The following CDH13 variants were observed in gnomAD, a reference collection of about 807,000 sequenced individuals.
The protein encoded by CDH13 is cadherin-13.
In CDH13, 24 loss-of-function variants were observed where a neutral mutation model predicts 63.8. The ratio of observed to expected loss-of-function variants is 0.38; its 90% confidence interval spans 0.27 to 0.53. CDH13 has a LOEUF of 0.53. Ranked by LOEUF, CDH13 falls within the 20% of genes least tolerant of loss-of-function variation. The pLI, the probability that CDH13 is intolerant of heterozygous loss-of-function variation, is 0.85. For synonymous variants in CDH13, 503 were observed against 355.3 expected, an observed-to-expected ratio of 1.42 and a Z score of -4.67; for missense variants, 1,049 against 903.1, an observed-to-expected ratio of 1.16 and a Z score of -2.07.
chr16:83,047,137 A>G lies in CDH13; in HGVS notation c.366+14919A>G, dbSNP rs1293674638. Among the ~76,000 whole-genome samples, 2 of 152,236 alleles carry G rather than the reference A, an allele frequency of 1.3e-5. No individual in the cohort carries two copies. Among genetic ancestry groups the G allele is most frequent in the African/African-American group, 2.4e-5 (1 of 41,462 alleles). On this transcript the variant is annotated intron_variant, in intron 3 of 13. Coordinates refer to ENST00000567109, the MANE Select transcript of CDH13 (RefSeq NM_001257.5). This position sits in a 1 kb window ranked among gnomAD's most constrained non-coding sequence, Gnocchi z 4.9. ...TTGAAGATATAAAGCTTTAAACAGT[A>G]GTAGTTCTCCGTGAGACCCAAGGAA...
chr16:83,761,649 C>T (rs978740265), intron 11 of CDH13, among the ~76,000 whole-genome samples: 2 of 152,186 alleles, frequency 1.3e-5, no homozygotes, highest in Non-Finnish European at 2.9e-5. Context: ...GAGTAGGTGA[C>T]AGTCTGTTTA....
At chr16:83,669,537 A>G (rs997915979) in intron 8 of CDH13, among the ~76,000 whole-genome samples, 1 of 151,984 alleles carries the variant, frequency 6.6e-6, no homozygotes, top group Admixed American at 6.6e-5. Context: ...CATTCCCACT[A>G]TTTTCTAGCC....
At chr16:83,267,200 G>A (rs1167461356) in intron 5 of CDH13, among the ~76,000 whole-genome samples, 2 of 152,128 alleles carry the variant, frequency 1.3e-5, no homozygotes, top group Non-Finnish European at 2.9e-5. Context: ...TAAACAAAGA[G>A]GAAAATTTAT....
At position 83,005,402 on chromosome 16, in the gene CDH13, C is replaced by G. The variant is rs1913382932; in HGVS notation, c.158-26608C>G. 2.0e-5 allele frequency among the ~76,000 whole-genome samples: 3 copies of G among 152,290 alleles called. No homozygotes were observed. In the East Asian group the frequency reaches 5.8e-4, roughly 29 times the overall value. ...TTACCTCCTGTAACCTGTGGGCATACTAAAGTACCAAGGTAGGCTTAGCTG... is the reference window on the plus strand; with the variant it reads ...TTACCTCCTGTAACCTGTGGGCATAGTAAAGTACCAAGGTAGGCTTAGCTG... On this transcript the variant is annotated intron_variant, in intron 2 of 13. Transcript: ENST00000567109.
chr16:83,223,075 A>C (rs150746527), intron 5 of CDH13, among the ~76,000 whole-genome samples: 1 of 61,876 alleles, frequency 1.6e-5, no homozygotes, highest in African/African-American at 4.4e-5. Context: ...GGCAAAATTG[A>C]GAACCACTGT....
At chr16:83,587,407 C>T (rs1393730883) in intron 7 of CDH13, among the ~76,000 whole-genome samples, 3 of 152,132 alleles carry the variant, frequency 2.0e-5, no homozygotes, top group Non-Finnish European at 2.9e-5. Flanking sequence ...AAACATCCAC[C>T]GACCCCTCGG....
chr16:82,964,068 A>G (rs1907451630), intron 2 of CDH13, among the ~76,000 whole-genome samples: 1 of 152,094 alleles, frequency 6.6e-6, no homozygotes, highest in Admixed American at 6.5e-5. Flanking sequence ...GTGACTCTGG[A>G]TTTGTACAGT....
chr16:83,245,026 C>T (rs536522325), intron 5 of CDH13, among the ~76,000 whole-genome samples: 1 of 152,110 alleles, frequency 6.6e-6, no homozygotes, highest in South Asian at 2.1e-4. Flanking sequence ...ATCATCATTC[C>T]CAAATACCAG....
intron 6 of CDH13, among the ~76,000 whole-genome samples, chr16:83,349,839 T>G (rs1248882874): frequency 6.6e-6 from 1 of 152,166 alleles, no homozygotes; most frequent in East Asian, 1.9e-4. Context: ...GACCTCAGGT[T>G]ATCCGCCCAC....
chr16:82,935,918 G>A (rs981889158), intron 2 of CDH13, among the ~76,000 whole-genome samples: 1 of 152,138 alleles, frequency 6.6e-6, no homozygotes, highest in Non-Finnish European at 1.5e-5. Context: ...AAAGACCAGC[G>A]GGTGGCAGCT....
chr16:83,558,548 C>T (rs912763661), intron 7 of CDH13, among the ~76,000 whole-genome samples: 1 of 152,130 alleles, frequency 6.6e-6, no homozygotes, highest in Non-Finnish European at 1.5e-5. Flanking sequence ...GTCTTGGGCA[C>T]CTTAAATAAT....
intron 8 of CDH13, among the ~76,000 whole-genome samples, chr16:83,614,484 C>G (rs1434111448): frequency 6.6e-6 from 1 of 152,182 alleles, no homozygotes; most frequent in African/African-American, 2.4e-5. Context: ...CTTCCTCTGC[C>G]CTCACAATCT....
intron 6 of CDH13, among the ~76,000 whole-genome samples, chr16:83,464,604 C>T (rs184111562): frequency 2.2e-3 from 340 of 152,220 alleles, no homozygotes; most frequent in Non-Finnish European, 3.9e-3. Context: ...AGGTGATCCA[C>T]CCGCCTTGAG....
chr16:83,216,323 C>T (rs1473666615), intron 4 of CDH13, among the ~76,000 whole-genome samples: 6 of 144,502 alleles, frequency 4.2e-5, no homozygotes, highest in Non-Finnish European at 9.1e-5. Context: ...CCATGGCCAG[C>T]TTGCTGACTC....
chr16:83,510,979 A>G (rs912776390), intron 7 of CDH13, among the ~76,000 whole-genome samples: 8 of 152,262 alleles, frequency 5.3e-5, no homozygotes, highest in Non-Finnish European at 8.8e-5. Context: ...GGACATCTAA[A>G]GAAGAACTGC....
intron 10 of CDH13, among the ~76,000 whole-genome samples, chr16:83,688,631 T>C (rs893347262): frequency 6.6e-6 from 1 of 152,164 alleles, no homozygotes; most frequent in African/African-American, 2.4e-5. Context: ...TTTTAATGAG[T>C]TAAGATTTTT....
At position 82,972,995 on chromosome 16, in the gene CDH13, C is replaced by T. The variant is rs961148525; in HGVS notation, c.158-59015C>T. On this transcript the variant is annotated intron_variant, in intron 2 of 13. Transcript: ENST00000567109. Reference sequence around the variant, plus strand: ...ACTTTAATGATTTGTTCTGGAGTCTCGACCCAGAACAATGTCAGTCTCGTT... The same window carrying T: ...ACTTTAATGATTTGTTCTGGAGTCTTGACCCAGAACAATGTCAGTCTCGTT... Among the ~76,000 whole-genome samples, 10 of 152,222 alleles carry T rather than the reference C, an allele frequency of 6.6e-5. No homozygotes were observed. The East Asian group carries it at 1.5e-3, about 24-fold the overall frequency.
intron 5 of CDH13, among the ~76,000 whole-genome samples, chr16:83,313,914 C>G (rs974601907): frequency 7.9e-5 from 12 of 152,158 alleles, no homozygotes; most frequent in African/African-American, 2.9e-4. Context: ...AGGTAACCTA[C>G]TTAAAACTGT....
intron 3 of CDH13, among the ~76,000 whole-genome samples, chr16:83,089,169 C>T (rs932988731): frequency 1.3e-5 from 2 of 152,168 alleles, no homozygotes; most frequent in Non-Finnish European, 2.9e-5. Context: ...GCTATCATCT[C>T]CATTTTACAG....
Sources: allele counts gnomAD v4.1 joint callset (sites outside exome capture counted in the v4.1 genomes callset), GRCh38; gene constraint gnomAD v4.1.1; non-coding constraint Gnocchi (gnomAD v3.1); transcripts MANE v1.5; gene names NCBI Gene and HGNC (gene_info 2026-07-23, HGNC 2026-07-21).